PIK3R1: variants seen among roughly 807,000 people sequenced by gnomAD.
PIK3R1 encodes the protein phosphatidylinositol 3-kinase regulatory subunit alpha.
Under a neutral mutation model 98.0 loss-of-function variants are expected in PIK3R1, and 29 were observed. That is an observed-to-expected ratio of 0.30 (90% CI 0.22 to 0.40). The LOEUF is 0.40. Ranked by LOEUF, PIK3R1 falls within the 10% of genes least tolerant of loss-of-function variation. PIK3R1 has a pLI of 1.00. For missense variants in PIK3R1, 596 were observed against 872.7 expected, an observed-to-expected ratio of 0.68 and a Z score of 3.99; for synonymous variants, 282 against 311.8, an observed-to-expected ratio of 0.90 and a Z score of 1.01.
intron 2 of PIK3R1, among the ~76,000 whole-genome samples, chr5:68,263,175 CTA>C (rs1355518532): frequency 7.0e-6 from 1 of 143,628 alleles, no homozygotes; most frequent in Admixed American, 7.0e-5. Flanking sequence ...ACATATATAT[CTA>C]TATATACATA....
rs951710608 is a variant in PIK3R1, at chr5:68,229,890, A to G, written c.334+2881A>G. On this transcript the variant is annotated intron_variant, in intron 2 of 15. Coordinates refer to ENST00000521381, the MANE Select transcript of PIK3R1 (RefSeq NM_181523.3). ...CCAATACATTTTGCATGCAGTTTTT[A>G]GGAAGCCCTGGCATATAGATTGAAT... is the stretch of plus-strand genomic sequence containing the variant. Among the ~76,000 whole-genome samples the G allele has an allele frequency of 2.3e-4, 35 of 152,232 alleles. 1 individual carries two copies. The highest frequency in any genetic ancestry group is 2.3e-3 in the Admixed American group (35 of 15,280).
At chr5:68,251,830 T>C (rs1371385589) in intron 2 of PIK3R1, among the ~76,000 whole-genome samples, 3 of 152,172 alleles carry the variant, frequency 2.0e-5, no homozygotes, top group Non-Finnish European at 2.9e-5. Context: ...GCAAACTCTG[T>C]CTCATCTGAG....
intron 7 of PIK3R1, 62 bp downstream of exon 7, chr5:68,281,068 A>G (rs1746813670): frequency 9.2e-7 from 1 of 1,090,268 alleles, no homozygotes; most frequent in Non-Finnish European, 1.4e-6. Context: ...TTAAAAAATG[A>G]TGGCTATAAA....
At chr5:68,249,770 G>GGT (rs1355684856) in intron 2 of PIK3R1, among the ~76,000 whole-genome samples, 6 of 152,100 alleles carry the variant, frequency 3.9e-5, no homozygotes, top group African/African-American at 1.4e-4. Context: ...CTTGTGGTGG[G>GGT]GTGGGGGGCG....
chr5:68,224,065 A>G (rs921628678), intron 1 of PIK3R1, among the ~76,000 whole-genome samples: 2 of 152,182 alleles, frequency 1.3e-5, no homozygotes, highest in Non-Finnish European at 2.9e-5. Flanking sequence ...TTTCCCCCCT[A>G]AAAGACATAC....
At position 68,244,731 on chromosome 5, in the gene PIK3R1, A is replaced by C. The variant is rs200107270; in HGVS notation, c.334+17722A>C. 1.8e-4 allele frequency among the ~76,000 whole-genome samples: 28 copies of C among 152,196 alleles called. No individual in the cohort carries two copies. The East Asian group carries it at 5.0e-3, about 27-fold the overall frequency. On this transcript the variant is annotated intron_variant, in intron 2 of 15. Coordinates refer to ENST00000521381, the MANE Select transcript of PIK3R1 (RefSeq NM_181523.3). ...CCTTCGTTTTGGAATGATAGTTATA[A>C]GGCAACATGCATTTTAGAAAAATGC...
chr5:68,292,013 C>A, intron 7 of PIK3R1: 1 of 329,402 alleles, frequency 3.0e-6, no homozygotes, highest in Non-Finnish European at 5.5e-6. Context: ...CATGGCCAGC[C>A]CAATTTATTT....
chr5:68,229,850 G>A (rs1242156233), intron 2 of PIK3R1, among the ~76,000 whole-genome samples: 3 of 152,142 alleles, frequency 2.0e-5, no homozygotes, highest in Non-Finnish European at 4.4e-5. Context: ...CTTATATACG[G>A]CACTGTACTT....
At chr5:68,290,635 C>A (rs1747334559) in intron 7 of PIK3R1, 1 of 1,476,132 alleles carries the variant, frequency 6.8e-7, no homozygotes, top group African/African-American at 1.4e-5. Context: ...AGTGCAGCCC[C>A]TTATAGGTTT....
At chr5:68,242,464 C>T (rs1008388728) in intron 2 of PIK3R1, among the ~76,000 whole-genome samples, 1 of 144,248 alleles carries the variant, frequency 6.9e-6, no homozygotes, top group African/African-American at 2.4e-5. Context: ...GGAAGCACGA[C>T]TTCCAGTGAG....
chr5:68,290,967 A>T (rs1747357581), intron 7 of PIK3R1: 3 of 615,678 alleles, frequency 4.9e-6, no homozygotes, highest in Non-Finnish European at 8.3e-6. Flanking sequence ...TAGTTTGCTC[A>T]TGGCTTAAAA....
In PIK3R1 at chr5:68,273,468, C is replaced by G. The variant is rs372106984; in HGVS notation, c.413C>G (p.Ala138Gly). The part of the protein sequence containing the change: ...APPLLIKLVE[A>G]IEKKGLECST... ...CCTCTTCTTATCAAGCTCGTGGAAG[C>G]CATTGAAAAGAAAGGTAACCAGACT... The change falls in exon 3 of 16, where the codon GCC becomes GGC. Residue 138 changes from alanine (A) to glycine (G), a missense_variant. Physicochemically the swap from Ala to Gly is moderately conservative, Grantham distance 60. Around this residue, in one of 3 missense-constraint regions of PIK3R1, gnomAD observed 352 missense variants for 393.3 expected, o/e 0.90. Coordinates refer to ENST00000521381, the MANE Select transcript of PIK3R1 (RefSeq NM_181523.3). The G allele has an allele frequency of 3.1e-6, 5 of 1,613,648 alleles. No homozygotes were observed. Among genetic ancestry groups the G allele is most frequent in the Non-Finnish European group, 4.2e-6 (5 of 1,179,770 alleles).
At chr5:68,260,070 T>C (rs1002429793) in intron 2 of PIK3R1, among the ~76,000 whole-genome samples, 2 of 152,204 alleles carry the variant, frequency 1.3e-5, no homozygotes, top group Non-Finnish European at 2.9e-5. Context: ...TAGAGCCTGA[T>C]ACATGTTAAG....
At chr5:68,292,200 A>G in intron 7 of PIK3R1, 59 bp from the exon 8 acceptor site, 1 of 1,030,882 alleles carries the variant, frequency 9.7e-7, no homozygotes, top group African/African-American at 1.6e-5. Flanking sequence ...TATTCATCTA[A>G]AGAAATTTAG....
intron 2 of PIK3R1, among the ~76,000 whole-genome samples, chr5:68,230,324 G>GGA (rs1446632437): frequency 6.6e-6 from 1 of 152,190 alleles, no homozygotes; most frequent in Non-Finnish European, 1.5e-5. Context: ...CTCCATAAGG[G>GGA]GAGAGATCTT....
intron 2 of PIK3R1, among the ~76,000 whole-genome samples, chr5:68,230,882 G>A (rs1744439154): frequency 6.6e-6 from 1 of 152,146 alleles, no homozygotes; most frequent in Non-Finnish European, 1.5e-5. Context: ...TCCATGTTTT[G>A]TTTGGATAAA....
chr5:68,277,578 G>T (rs1746632754), intron 4 of PIK3R1, among the ~76,000 whole-genome samples: 1 of 152,156 alleles, frequency 6.6e-6, no homozygotes, highest in East Asian at 1.9e-4. Flanking sequence ...ATGATGATAT[G>T]TCCAAGGAAT....
intron 2 of PIK3R1, among the ~76,000 whole-genome samples, chr5:68,259,613 TA>T (rs1745658783): frequency 6.6e-6 from 1 of 152,348 alleles, no homozygotes. Context: ...TAGAATATCT[TA>T]GACAAAGAAA....
At chr5:68,245,842 A>G (rs1369262961) in intron 2 of PIK3R1, among the ~76,000 whole-genome samples, 2 of 152,248 alleles carry the variant, frequency 1.3e-5, no homozygotes, top group East Asian at 3.8e-4. Context: ...GAGAGTAGTA[A>G]TGAACTCTTC....
Sources: allele counts gnomAD v4.1 joint callset (sites outside exome capture counted in the v4.1 genomes callset), GRCh38; gene constraint gnomAD v4.1.1; regional missense constraint gnomAD v4.1.1; transcripts MANE v1.5; gene names NCBI Gene and HGNC (gene_info 2026-07-23, HGNC 2026-07-21).